The following TCF4 variants were observed in gnomAD, a reference collection of about 807,000 sequenced individuals.
TCF4 encodes SL3-3 enhancer factor 2.
In TCF4, 3 loss-of-function variants were observed where a neutral mutation model predicts 82.1. The ratio of observed to expected loss-of-function variants is 0.04; its 90% CI spans 0.02 to 0.09. The LOEUF is 0.09. TCF4 is among the 10% of genes least tolerant of loss of function. The pLI is 1.00. For synonymous variants in TCF4, 276 were observed against 309.6 expected, an observed-to-expected ratio of 0.89 and a Z score of 1.14; for missense variants, 518 against 852.7, an observed-to-expected ratio of 0.61 and a Z score of 4.89.
intron 2 of TCF4, among the ~76,000 whole-genome samples, chr18:55,614,864 T>C (rs1383011836): frequency 2.6e-5 from 4 of 152,218 alleles, no homozygotes; most frequent in African/African-American, 9.6e-5. Flanking sequence ...TCCTAGATAT[T>C]CTGTCAATTT....
At chr18:55,558,747 G>T (rs2097327869) in intron 3 of TCF4, among the ~76,000 whole-genome samples, 1 of 151,972 alleles carries the variant, frequency 6.6e-6, no homozygotes, top group African/African-American at 2.4e-5. Context: ...GTTTCCATGG[G>T]GCATTTCTCT....
chr18:55,257,517 T>C (rs2057140593), intron 13 of TCF4, 126 bp from the exon 14 acceptor site: 1 of 902,970 alleles, frequency 1.1e-6, no homozygotes, highest in Admixed American at 1.8e-5. Flanking sequence ...ACAACGTAAA[T>C]ACATGTAAAC....
intron 9 of TCF4, among the ~76,000 whole-genome samples, chr18:55,277,602 AT>A (rs11292069): frequency 0.79 from 97,236 of 122,348 alleles, 37,184 homozygotes; most frequent in East Asian, 0.93. Context: ...TGTCAACTCA[AT>A]TTTTTTTTTT....
intron 8 of TCF4, among the ~76,000 whole-genome samples, chr18:55,342,142 C>T (rs745894754): frequency 2.6e-5 from 4 of 152,188 alleles, no homozygotes; most frequent in Admixed American, 1.3e-4. Flanking sequence ...TTGTTACTGT[C>T]GGGTTTCACT....
chr18:55,448,989 C>T (rs890839888), intron 5 of TCF4, among the ~76,000 whole-genome samples: 1 of 152,006 alleles, frequency 6.6e-6, no homozygotes, highest in African/African-American at 2.4e-5. Context: ...TACGACTTTG[C>T]GAAAAATGGA....
chr18:55,310,674 T>A (rs1025776704), intron 8 of TCF4, among the ~76,000 whole-genome samples: 3 of 152,212 alleles, frequency 2.0e-5, no homozygotes. Context: ...GGAAAGAACA[T>A]CTTCAATGTT....
intron 5 of TCF4, among the ~76,000 whole-genome samples, chr18:55,416,685 G>T (rs780882271): frequency 6.6e-6 from 1 of 152,138 alleles, no homozygotes; most frequent in Non-Finnish European, 1.5e-5. Flanking sequence ...TGGCCAATAT[G>T]GCTGCACCAT....
At chr18:55,481,252 C>T (rs886153369) in intron 3 of TCF4, among the ~76,000 whole-genome samples, 21 of 152,102 alleles carry the variant, frequency 1.4e-4, no homozygotes, top group African/African-American at 4.3e-4. Context: ...TAACTCGGAA[C>T]TGGCACAATG....
chr18:55,393,135 T>C (rs1303178097), intron 6 of TCF4, among the ~76,000 whole-genome samples: 2 of 152,190 alleles, frequency 1.3e-5, no homozygotes, highest in Non-Finnish European at 2.9e-5. Flanking sequence ...AAAGTCTAGG[T>C]AGAAGGATGG....
chr18:55,442,288 T>C (rs1220566678), intron 5 of TCF4, among the ~76,000 whole-genome samples: 3 of 152,228 alleles, frequency 2.0e-5, no homozygotes, highest in East Asian at 1.9e-4. Context: ...AAAAGGCAGA[T>C]AGCTTTGCTC....
chr18:55,438,231 C>G (rs1379129767), intron 5 of TCF4, among the ~76,000 whole-genome samples: 1 of 150,540 alleles, frequency 6.6e-6, no homozygotes, highest in African/African-American at 2.4e-5. Flanking sequence ...TAAATGTAGG[C>G]TAAGATTGAC....
intron 2 of TCF4, 193 bp from the exon 3 acceptor site, chr18:55,585,545 C>A: frequency 1.5e-6 from 1 of 659,886 alleles, no homozygotes. Flanking sequence ...CCCATTATCA[C>A]TCTGTTCTTT....
At chr18:55,606,265 G>T (rs57756389) in intron 2 of TCF4, among the ~76,000 whole-genome samples, 9,834 of 152,178 alleles carry the variant, frequency 0.065, 740 homozygotes, top group African/African-American at 0.19. Context: ...TTCTTCCTTT[G>T]TCTACACATT....
chr18:55,542,262 T>G (rs1388804237), intron 3 of TCF4, among the ~76,000 whole-genome samples: 10 of 152,110 alleles, frequency 6.6e-5, no homozygotes, highest in African/African-American at 2.4e-4. Context: ...TGCCATCAAC[T>G]GAATGTTGGA....
At chr18:55,601,907 T>G (rs1197155878) in intron 2 of TCF4, among the ~76,000 whole-genome samples, 1 of 152,240 alleles carries the variant, frequency 6.6e-6, no homozygotes, top group Admixed American at 6.5e-5. Context: ...ACTGTGCAAC[T>G]TATAAGTCAC....
chr18:55,475,510 T>C (rs1378301260), intron 3 of TCF4, among the ~76,000 whole-genome samples: 1 of 152,222 alleles, frequency 6.6e-6, no homozygotes, highest in African/African-American at 2.4e-5. Flanking sequence ...AACTAATCAG[T>C]AACCTATGGA....
intron 3 of TCF4, among the ~76,000 whole-genome samples, chr18:55,527,957 AGAAAAAGAAGCCAGAG>A (rs2097009408): frequency 1.3e-5 from 2 of 152,218 alleles, no homozygotes; most frequent in South Asian, 4.1e-4. Context: ...CCAATTTGGG[AGAAAAAGAAGCCAGAG>A]CTAAGATATT....
At chr18:55,263,639 C>T (rs1003045633) in intron 11 of TCF4, among the ~76,000 whole-genome samples, 1 of 151,792 alleles carries the variant, frequency 6.6e-6, no homozygotes, top group African/African-American at 2.4e-5. Context: ...AACCTAAAAA[C>T]CATTCTAAAG....
chr18:55,314,331 T>G (rs2147278883), intron 8 of TCF4, among the ~76,000 whole-genome samples: 1 of 152,268 alleles, frequency 6.6e-6, no homozygotes, highest in South Asian at 2.1e-4. Context: ...TTTCCTCTGA[T>G]TTGTCAGTTT....
Sources: gnomAD v4.1 joint callset for allele counts (sites outside exome capture counted in the v4.1 genomes callset) on GRCh38, gnomAD v4.1.1 for gene constraint, MANE v1.5 for transcripts, NCBI Gene and HGNC (gene_info 2026-07-23, HGNC 2026-07-21) for gene names.